Variants in MYZAP observed in about 807,000 individuals in gnomAD.
The protein encoded by MYZAP is myocardial zonula adherens protein.
Under a neutral mutation model 69.4 loss-of-function variants are expected in MYZAP, and 66 were observed. The observed-to-expected ratio is 0.95, with a 90% CI of 0.78 to 1.17. MYZAP has a LOEUF of 1.17. MYZAP is among the 50% of genes most tolerant of loss of function. The pLI is 0.00. For missense variants in MYZAP, 611 were observed against 556.2 expected (o/e 1.10, Z -0.99); for synonymous variants, 256 against 205.9 (o/e 1.24, Z -2.09).
chr15:57,610,707 G>T (rs1299520490), intron 2 of MYZAP, among the ~76,000 whole-genome samples: 1 of 152,168 alleles, frequency 6.6e-6, no homozygotes, highest in Non-Finnish European at 1.5e-5. Flanking sequence ...AAGCAGTCAA[G>T]GTGCAGCGGG....
intron 11 of MYZAP, among the ~76,000 whole-genome samples, chr15:57,671,923 T>C (rs2098891): frequency 0.95 from 143,957 of 152,160 alleles, 68,523 homozygotes; most frequent in Non-Finnish European, 1. Context: ...CCCGACTCTT[T>C]ATATGTCACA....
chr15:57,594,237 T>C (rs1260480314), intron 1 of MYZAP, among the ~76,000 whole-genome samples: 1 of 152,212 alleles, frequency 6.6e-6, no homozygotes, highest in Non-Finnish European at 1.5e-5. Flanking sequence ...TGCCTCAGCC[T>C]TCCGAGTAGC....
chr15:57,649,792 A>G (rs2037636391), intron 10 of MYZAP, among the ~76,000 whole-genome samples: 1 of 152,182 alleles, frequency 6.6e-6, no homozygotes, highest in African/African-American at 2.4e-5. Flanking sequence ...GTTCATCTTT[A>G]GGTCTTCAAT....
chr15:57,676,706 T>C (rs2039155583), intron 12 of MYZAP, among the ~76,000 whole-genome samples: 1 of 152,182 alleles, frequency 6.6e-6, no homozygotes, highest in African/African-American at 2.4e-5. Flanking sequence ...ATAAATTGTT[T>C]GTTTTCTAAT....
At chr15:57,638,487 A>G (rs1422193717) in intron 9 of MYZAP, among the ~76,000 whole-genome samples, 1 of 151,914 alleles carries the variant, frequency 6.6e-6, no homozygotes, top group Non-Finnish European at 1.5e-5. Flanking sequence ...AAAAATACCC[A>G]TTTTTCCTTC....
intron 1 of MYZAP, among the ~76,000 whole-genome samples, chr15:57,601,439 G>A (rs1019473592): frequency 6.6e-6 from 1 of 152,068 alleles, no homozygotes; most frequent in African/African-American, 2.4e-5. Context: ...TTGTGCAAAT[G>A]TCAGACTGGT....
chr15:57,603,801 A>G (rs2034567358), intron 1 of MYZAP, among the ~76,000 whole-genome samples: 1 of 152,170 alleles, frequency 6.6e-6, no homozygotes, highest in Non-Finnish European at 1.5e-5. Flanking sequence ...ACATGGGTAT[A>G]TGGACTTTTT....
chr15:57,660,702 C>T (rs1224374055), intron 10 of MYZAP, among the ~76,000 whole-genome samples: 2 of 152,178 alleles, frequency 1.3e-5, no homozygotes, highest in Non-Finnish European at 2.9e-5. Flanking sequence ...AATGATCCTG[C>T]ATACTGTTCC....
At chr15:57,650,715 G>A (rs772345822) in intron 10 of MYZAP, among the ~76,000 whole-genome samples, 4 of 152,222 alleles carry the variant, frequency 2.6e-5, no homozygotes, top group Non-Finnish European at 2.9e-5. Flanking sequence ...TAATTCTGAT[G>A]TGGGTGGAGA....
chr15:57,621,024 A>G (rs1370515017), intron 3 of MYZAP, among the ~76,000 whole-genome samples: 34 of 148,066 alleles, frequency 2.3e-4, no homozygotes, highest in Admixed American at 2.3e-3. Flanking sequence ...TATATTCTAT[A>G]TTAATATATG....
Position 57,642,712 on chromosome 15 carries a change from A to C in MYZAP, c.1119+3167A>C, listed in dbSNP as rs1204367764. ...AGGTGTCACTACTGCGATCCTTGGG[A>C]ATCCTTAAATGTTAAGCAACATGTT... On this transcript the variant is annotated intron_variant, in intron 10 of 12. Coordinates refer to ENST00000267853, the MANE Select transcript of MYZAP (RefSeq NM_001018100.5). Among the ~76,000 whole-genome samples, 3 of 152,182 alleles carry C rather than the reference A, an allele frequency of 2.0e-5. No individual in the cohort carries two copies. In the East Asian group the frequency reaches 5.8e-4, roughly 29 times the overall value.
chr15:57,652,995 C>G (rs2037805190), intron 10 of MYZAP, among the ~76,000 whole-genome samples: 1 of 152,056 alleles, frequency 6.6e-6, no homozygotes, highest in Admixed American at 6.6e-5. Flanking sequence ...AGTTATACAT[C>G]TTTGATAACA....
intron 10 of MYZAP, chr15:57,647,756 C>G: frequency 5.1e-6 from 5 of 985,424 alleles, no homozygotes; most frequent in Non-Finnish European, 6.0e-6. Context: ...GCCCTGGGTC[C>G]TAGGCTCATT....
chr15:57,628,447 T>C (rs185464239), intron 5 of MYZAP, among the ~76,000 whole-genome samples: 7 of 152,096 alleles, frequency 4.6e-5, no homozygotes, highest in Admixed American at 2.6e-4. Flanking sequence ...TTTTTAAATT[T>C]TTTTTGTAGT....
Position 57,618,185 on chromosome 15 carries a change from AG to A in MYZAP, c.316del (p.Asp106MetfsTer2). Reference sequence around the variant, plus strand: ...TGAAAGAAGAGATGAACTACATCAAAGATGTGAGCCATTTAAGAGTTTTTGC... The same window carrying A: ...TGAAAGAAGAGATGAACTACATCAAAATGTGAGCCATTTAAGAGTTTTTGC... ...QLKEEMNYIKDVRATLEKVRK... is the reference protein window; with the variant it reads ...QLKEEMNYIKXVRATLEKVRK... On this transcript the variant is annotated frameshift_variant and splice_region_variant, in exon 3 of 13. Transcript: ENST00000267853. LOFTEE classifies it high-confidence loss of function. 6.2e-7 allele frequency: 1 copy of A among 1,613,334 alleles called. No individual in the cohort carries two copies. Among genetic ancestry groups the A allele is most frequent in the Non-Finnish European group, 8.5e-7 (1 of 1,179,778 alleles).
rs1325234079 is a variant in MYZAP, at chr15:57,623,643, G to C, written c.411+1943G>C. Among the ~76,000 whole-genome samples the C allele has an allele frequency of 2.0e-5, 3 of 151,822 alleles. No individual in the cohort carries two copies. In the East Asian group the frequency reaches 5.8e-4, roughly 29 times the overall value. ...AGCTACTCCGTTGGCTGAGGCAGGA[G>C]AATCACTTGAGCCTGGGAGGTGGAG... On this transcript the variant is annotated intron_variant, in intron 4 of 12. Coordinates refer to ENST00000267853, the MANE Select transcript of MYZAP (RefSeq NM_001018100.5).
At chr15:57,632,662 A>G in intron 7 of MYZAP, 103 bp downstream of exon 7, 2 of 1,529,442 alleles carry the variant, frequency 1.3e-6, no homozygotes, top group South Asian at 2.6e-5. Flanking sequence ...GTGGGTCAGT[A>G]GACTCAGCCA....
intron 2 of MYZAP, among the ~76,000 whole-genome samples, chr15:57,610,577 G>A (rs2035041765): frequency 1.3e-5 from 2 of 152,202 alleles, no homozygotes; most frequent in South Asian, 4.1e-4. Context: ...GGTTGGGCCA[G>A]TCAGGTCATC....
At chr15:57,634,126 G>A (rs983734228) in intron 8 of MYZAP, among the ~76,000 whole-genome samples, 2 of 152,084 alleles carry the variant, frequency 1.3e-5, no homozygotes, top group East Asian at 1.9e-4. Flanking sequence ...TCCTTGACAC[G>A]CTGGGGACTT....
Sources: allele counts gnomAD v4.1 joint callset (sites outside exome capture counted in the v4.1 genomes callset), GRCh38; gene constraint gnomAD v4.1.1; transcripts MANE v1.5; gene names NCBI Gene and HGNC (gene_info 2026-07-23, HGNC 2026-07-21).